ACTR10: variants seen among roughly 807,000 people sequenced by gnomAD.
ACTR10 encodes actin-related protein 10.
A neutral mutation model predicts 56.2 loss-of-function variants in ACTR10; 43 were observed. That is an observed-to-expected ratio of 0.77 (90% CI 0.60 to 0.99). The LOEUF is 0.99. Among genes scored for constraint, ACTR10 ranks in the 50% least tolerant of loss-of-function variants. ACTR10 has a pLI of 0.00. For missense variants in ACTR10, 466 were observed against 507.8 expected, an observed-to-expected ratio of 0.92 and a Z score of 0.79; for synonymous variants, 170 against 176.3, an observed-to-expected ratio of 0.96 and a Z score of 0.28.
chr14:58,223,045 T>C (rs1032205999), intron 8 of ACTR10, among the ~76,000 whole-genome samples: 3 of 152,184 alleles, frequency 2.0e-5, no homozygotes, highest in Non-Finnish European at 4.4e-5. Context: ...GTGATTTTTT[T>C]TAAATGAGGT....
intron 1 of ACTR10, 103 bp downstream of exon 1, chr14:58,200,397 G>A: frequency 1.1e-6 from 1 of 918,382 alleles, no homozygotes; most frequent in Non-Finnish European, 1.5e-6. Flanking sequence ...GGGCAGCTCC[G>A]GGCCTCCCCT....
chr14:58,219,091 A>G (rs1889206438), intron 7 of ACTR10, among the ~76,000 whole-genome samples: 1 of 152,162 alleles, frequency 6.6e-6, no homozygotes, highest in Non-Finnish European at 1.5e-5. Context: ...TAGCGCTGGG[A>G]TTACAGGCGT....
chr14:58,233,676 A>G (rs575771015), intron 12 of ACTR10, among the ~76,000 whole-genome samples: 47 of 152,358 alleles, frequency 3.1e-4, no homozygotes, highest in African/African-American at 1.1e-3. Flanking sequence ...GCATTGTTCA[A>G]GGATCAGCTG....
At chr14:58,210,195 C>T (rs1017390963) in intron 4 of ACTR10, among the ~76,000 whole-genome samples, 4 of 151,622 alleles carry the variant, frequency 2.6e-5, no homozygotes, top group Non-Finnish European at 5.9e-5. Flanking sequence ...GTCTGCCATT[C>T]GATTATGATG....
chr14:58,224,697 C>T (rs552345756), intron 10 of ACTR10, among the ~76,000 whole-genome samples: 1 of 152,076 alleles, frequency 6.6e-6, no homozygotes, highest in African/African-American at 2.4e-5. Context: ...CAGTAAAGGA[C>T]CAGACAGTAA....
rs1889613880 is a variant in ACTR10, at chr14:58,234,221, C to A, written c.1073-149C>A. The A allele has an allele frequency of 2.5e-5, 14 of 564,096 alleles. No homozygotes were observed. In the South Asian group the frequency reaches 5.5e-4, roughly 22 times the overall value. 34.9% of individuals were successfully genotyped at this position (564,096 alleles called of 1,614,324 possible). A position where few individuals can be genotyped will look rare whatever the true frequency, so the allele number is the denominator to read the frequency against. On this transcript the variant is annotated intron_variant, in intron 12 of 12. Coordinates refer to ENST00000254286, the MANE Select transcript of ACTR10 (RefSeq NM_018477.3). ...ATTCAAAATGTAAAATAAAGAATGG[C>A]TTAACTGGAATTACTTTGAAGATTG...
Position 58,234,354 on chromosome 14 carries a change from T to C in ACTR10, c.1073-16T>C. 10 of 1,527,814 alleles carry C rather than the reference T, an allele frequency of 6.5e-6. No homozygotes were observed. The highest frequency in any genetic ancestry group is 8.8e-6 in the Non-Finnish European group (10 of 1,132,526). The allele number at this position is 1,527,814 out of a possible 1,614,324, so 94.6% of individuals were successfully genotyped here. A position where few individuals can be genotyped will look rare whatever the true frequency, so the allele number is the denominator to read the frequency against. On this transcript the variant is annotated splice_polypyrimidine_tract_variant and intron_variant, in intron 12 of 12. Transcript: ENST00000254286. Reference sequence around the variant, plus strand: ...AAGTTTTCATCTTAGCTATAAAAAATATTTTTGTCACACAGGGGCTATTTT... The same window carrying C: ...AAGTTTTCATCTTAGCTATAAAAAACATTTTTGTCACACAGGGGCTATTTT...
At chr14:58,232,372 C>A (rs1304172924) in intron 12 of ACTR10, 105 bp downstream of exon 12, 3 of 696,128 alleles carry the variant, frequency 4.3e-6, no homozygotes, top group Non-Finnish European at 6.7e-6. Flanking sequence ...CAGAATTGCC[C>A]ACTTTATAAA....
At chr14:58,211,227 A>G (rs1888985299) in intron 4 of ACTR10, 65 bp from the exon 5 acceptor site, 14 of 1,210,142 alleles carry the variant, frequency 1.2e-5, no homozygotes, top group Non-Finnish European at 1.5e-5. Context: ...TTTGGATATA[A>G]GGCAAATACC....
At chr14:58,231,093 G>T in intron 11 of ACTR10, 1 of 332,828 alleles carries the variant, frequency 3.0e-6, no homozygotes, top group Admixed American at 3.1e-5. Context: ...TGCTCTTGTT[G>T]CCCAGGCTGG....
chr14:58,209,159 G>T, intron 4 of ACTR10, 52 bp downstream of exon 4: 3 of 1,295,860 alleles, frequency 2.3e-6, no homozygotes, highest in Non-Finnish European at 3.2e-6. Flanking sequence ...AAAAAGAGAA[G>T]CAATAAAATT....
In ACTR10 at chr14:58,232,149, A is replaced by G; in HGVS notation, c.954A>G (p.Arg318=). The change falls in exon 12 of 13, where the codon AGA becomes AGG. Residue 318 remains arginine, a synonymous_variant. Coordinates refer to ENST00000254286, the MANE Select transcript of ACTR10 (RefSeq NM_018477.3). The part of the protein sequence containing the change: ...GTSMLPGFLH[R]LLAEIRYLVE... ...CTATGTTGCCAGGATTTCTCCACAG[A>G]TTGCTTGCAGAAATAAGGTATTTGG... The G allele has an allele frequency of 6.2e-7, 1 of 1,613,954 alleles. No individual in the cohort carries two copies.
chr14:58,202,933 T>TAA lies in ACTR10; in HGVS notation c.150+14_150+15dup. The TAA allele has an allele frequency of 6.8e-7, 1 of 1,481,326 alleles. No individual in the cohort carries two copies. The highest frequency in any genetic ancestry group is 9.3e-7 in the Non-Finnish European group (1 of 1,078,202). 91.8% of individuals were successfully genotyped at this position (1,481,326 alleles called of 1,614,324 possible). A position where few individuals can be genotyped will look rare whatever the true frequency, so the allele number is the denominator to read the frequency against. ...AAAGAGCTGGGATGCCTAAGGTATT[T>TAA]AAAAAAAAATATTAGCAAAATAAAT... On this transcript the variant is annotated splice_region_variant and intron_variant, in intron 2 of 12. Transcript: ENST00000254286.
chr14:58,224,790 G>A (rs1425487514), intron 10 of ACTR10, among the ~76,000 whole-genome samples: 2 of 151,886 alleles, frequency 1.3e-5, no homozygotes, highest in African/African-American at 4.8e-5. Flanking sequence ...GGAAGTTCGA[G>A]ACCAGCCTGA....
At chr14:58,231,969 TATA>T in intron 11 of ACTR10, 94 bp from the exon 12 acceptor site, 1 of 665,286 alleles carries the variant, frequency 1.5e-6, no homozygotes, top group Non-Finnish European at 2.3e-6. Context: ...TAATAATATG[TATA>T]ATAATAGTAT....
At chr14:58,214,180 C>T (rs183527436) in intron 6 of ACTR10, among the ~76,000 whole-genome samples, 357 of 152,252 alleles carry the variant, frequency 2.3e-3, no homozygotes, top group Non-Finnish European at 3.1e-3. Flanking sequence ...TCCTCCCTGG[C>T]CTCTGGTAGC....
At chr14:58,215,041 T>C (rs969235899) in intron 6 of ACTR10, among the ~76,000 whole-genome samples, 164 bp from the exon 7 acceptor site, 4 of 151,802 alleles carry the variant, frequency 2.6e-5, no homozygotes, top group African/African-American at 9.7e-5. Context: ...AGGAGGTGAA[T>C]GTTGCAGTGA....
chr14:58,201,262 G>A (rs146317884), intron 1 of ACTR10, among the ~76,000 whole-genome samples: 83 of 152,184 alleles, frequency 5.5e-4, no homozygotes, highest in Middle Eastern at 3.4e-3. Flanking sequence ...TTCTCTTATT[G>A]TTCTATGCGA....
In ACTR10 at chr14:58,234,780, A is replaced by T; in HGVS notation, c.*229A>T. 1.5e-5 allele frequency: 4 copies of T among 272,192 alleles called. No homozygotes were observed. The highest frequency in any genetic ancestry group is 2.7e-5 in the Non-Finnish European group (4 of 149,736). The allele number at this position is 272,192 out of a possible 1,614,324, so 16.9% of individuals were successfully genotyped here. On this transcript the variant is annotated 3_prime_UTR_variant, in exon 13 of 13. Transcript: ENST00000254286. ...TTTGCTGTATTTATATCAATAAAGTATAGTAAAGCAGTTTGATTTTGGAAG... is the reference window on the plus strand; with the variant it reads ...TTTGCTGTATTTATATCAATAAAGTTTAGTAAAGCAGTTTGATTTTGGAAG...
Sources: gnomAD v4.1 joint callset for allele counts (sites outside exome capture counted in the v4.1 genomes callset) on GRCh38, gnomAD v4.1.1 for gene constraint, MANE v1.5 for transcripts, NCBI Gene and HGNC (gene_info 2026-07-23, HGNC 2026-07-21) for gene names.